Variants in PTPRD observed in about 807,000 individuals in gnomAD.
PTPRD encodes the protein receptor-type tyrosine-protein phosphatase delta.
In PTPRD, 34 loss-of-function variants were observed where a neutral mutation model predicts 214.5. The observed-to-expected ratio is 0.16, with a 90% CI of 0.12 to 0.21. The LOEUF (loss-of-function observed/expected upper bound fraction) is 0.21, where lower values mean the gene tolerates loss of function less well. PTPRD is among the 10% of genes least tolerant of loss of function. The pLI is 1.00. For missense variants in PTPRD, 2,545 were observed against 2,398.7 expected, an observed-to-expected ratio of 1.06 and a Z score of -1.27; for synonymous variants, 1,128 against 845.7, an observed-to-expected ratio of 1.33 and a Z score of -5.79.
intron 9 of PTPRD, among the ~76,000 whole-genome samples, chr9:9,259,073 T>A (rs1369006659): frequency 6.6e-6 from 1 of 151,784 alleles, no homozygotes; most frequent in Non-Finnish European, 1.5e-5. Context: ...GTCTAAGGAA[T>A]CTGTGCTCCT....
At position 9,849,258 on chromosome 9, in the gene PTPRD, T is replaced by C. The variant is rs73400611; in HGVS notation, c.-367-82407A>G. On this transcript the variant is annotated intron_variant, in intron 5 of 45. Coordinates refer to ENST00000381196, the MANE Select transcript of PTPRD (RefSeq NM_002839.4). ...CTGTAGAGAGAGAATGTACAAGCTG[T>C]ATAAGGAGAGCTTTAGGAAGGAAAC... Among the ~76,000 whole-genome samples the C allele has an allele frequency of 2.1e-3, 312 of 152,060 alleles. 3 individuals carry two copies. Among genetic ancestry groups the C allele is most frequent in the African/African-American group, 7.3e-3 (303 of 41,494 alleles).
chr9:8,315,714 G>A lies in PTPRD; in HGVS notation c.*2160C>T. 1 of 228,018 alleles carries A rather than the reference G, an allele frequency of 4.4e-6. No individual in the cohort carries two copies. Among genetic ancestry groups the A allele is most frequent in the Non-Finnish European group, 8.7e-6 (1 of 114,834 alleles). 14.1% of individuals were successfully genotyped at this position (228,018 alleles called of 1,614,324 possible). ...AATGCTTGCAAATGTTTGGTCTCTT[G>A]GATTTCACTCTGCTAGCAATGGGAA... is the stretch of plus-strand genomic sequence containing the variant. On this transcript the variant is annotated 3_prime_UTR_variant, in exon 46 of 46. Coordinates refer to ENST00000381196, the MANE Select transcript of PTPRD (RefSeq NM_002839.4).
chr9:8,667,336 T>G (rs1012655849), intron 12 of PTPRD, among the ~76,000 whole-genome samples: 1 of 152,056 alleles, frequency 6.6e-6, no homozygotes, highest in African/African-American at 2.4e-5. Context: ...CAAAACGTCG[T>G]CTCTAAATAA....
intron 11 of PTPRD, among the ~76,000 whole-genome samples, chr9:8,943,884 A>G (rs1166198618): frequency 1.3e-5 from 2 of 151,862 alleles, no homozygotes; most frequent in Non-Finnish European, 1.5e-5. Context: ...AGCAACCAAA[A>G]CAAAAAAGGG....
chr9:9,814,948 C>T (rs7860902), intron 5 of PTPRD, among the ~76,000 whole-genome samples: 30,851 of 151,348 alleles, frequency 0.2, 3,396 homozygotes, highest in African/African-American at 0.29. Flanking sequence ...TACAGGTGCA[C>T]GCCACCACAC....
chr9:9,725,838 T>C (rs1286206648), intron 7 of PTPRD, among the ~76,000 whole-genome samples: 1 of 152,180 alleles, frequency 6.6e-6, no homozygotes, highest in Non-Finnish European at 1.5e-5. Flanking sequence ...TCTTTCAAGA[T>C]AGCCCTCACA....
At chr9:9,442,783 G>A (rs2088646396) in intron 8 of PTPRD, among the ~76,000 whole-genome samples, 1 of 152,076 alleles carries the variant, frequency 6.6e-6, no homozygotes, top group African/African-American at 2.4e-5. Flanking sequence ...TCTTCTTTTG[G>A]CGGTGGTTTT....
chr9:10,203,355 C>A (rs993379936), intron 3 of PTPRD, among the ~76,000 whole-genome samples: 1 of 151,676 alleles, frequency 6.6e-6, no homozygotes, highest in African/African-American at 2.4e-5. Context: ...TAAACCTAGC[C>A]CTAGTTAACA....
intron 4 of PTPRD, among the ~76,000 whole-genome samples, chr9:9,985,518 A>T (rs924392400): frequency 6.6e-6 from 1 of 152,130 alleles, no homozygotes; most frequent in African/African-American, 2.4e-5. Flanking sequence ...TATTGAAACA[A>T]ATGATGTGCT....
intron 7 of PTPRD, among the ~76,000 whole-genome samples, chr9:9,642,698 GA>G (rs1483562662): frequency 9.2e-5 from 14 of 152,116 alleles, no homozygotes; most frequent in Admixed American, 9.2e-4. Context: ...TGGTTCTAAA[GA>G]AAACACACAC....
chr9:9,631,560 G>T (rs2095596403), intron 7 of PTPRD, among the ~76,000 whole-genome samples: 2 of 152,072 alleles, frequency 1.3e-5, no homozygotes, highest in Non-Finnish European at 2.9e-5. Flanking sequence ...AGATTCAGCA[G>T]GTTTCAGAGT....
intron 2 of PTPRD, among the ~76,000 whole-genome samples, chr9:10,528,484 T>G (rs1031895437): frequency 1.3e-4 from 20 of 152,188 alleles, no homozygotes; most frequent in Admixed American, 1.1e-3. Flanking sequence ...TATTATAACA[T>G]CTTTTACCAC....
chr9:10,356,581 T>C (rs973892888), intron 2 of PTPRD, among the ~76,000 whole-genome samples: 11 of 152,210 alleles, frequency 7.2e-5, no homozygotes, highest in Admixed American at 6.5e-5. Flanking sequence ...GTTGCAGAGA[T>C]GAACATAATG....
At position 8,995,268 on chromosome 9, in the gene PTPRD, C is replaced by T. The variant is rs1014157699; in HGVS notation, c.-104+23429G>A. 2.0e-5 allele frequency among the ~76,000 whole-genome samples: 3 copies of T among 151,998 alleles called. No individual in the cohort carries two copies. The South Asian group carries it at 6.2e-4, about 32-fold the overall frequency. ...TATTGGTTGTGATAATGGCATTATG[C>T]TATGTTTAAAAATCCTTATCTGTTA... is the stretch of plus-strand genomic sequence containing the variant. On this transcript the variant is annotated intron_variant, in intron 11 of 45. Transcript: ENST00000381196.
At chr9:10,456,751 C>T (rs2098920737) in intron 2 of PTPRD, among the ~76,000 whole-genome samples, 1 of 151,860 alleles carries the variant, frequency 6.6e-6, no homozygotes, top group Non-Finnish European at 1.5e-5. Flanking sequence ...CATTTGTAGT[C>T]TATTTTATAC....
intron 2 of PTPRD, among the ~76,000 whole-genome samples, chr9:10,348,499 C>G (rs1232450977): frequency 6.6e-6 from 1 of 152,152 alleles, no homozygotes; most frequent in Non-Finnish European, 1.5e-5. Context: ...CTCCTTCCCT[C>G]TAAGCAAGGA....
At chr9:9,205,457 C>G (rs2099944255) in intron 9 of PTPRD, among the ~76,000 whole-genome samples, 2 of 152,006 alleles carry the variant, frequency 1.3e-5, no homozygotes, top group African/African-American at 4.8e-5. Context: ...TGCTCAATTA[C>G]TTCTAGATAA....
At chr9:10,567,680 A>G (rs1591100434) in intron 2 of PTPRD, among the ~76,000 whole-genome samples, 1 of 151,926 alleles carries the variant, frequency 6.6e-6, no homozygotes, top group African/African-American at 2.4e-5. Context: ...ACTTTTAAAT[A>G]CACATTGTTT....
intron 3 of PTPRD, among the ~76,000 whole-genome samples, chr9:10,168,717 A>G (rs1013702949): frequency 6.6e-6 from 1 of 152,266 alleles, no homozygotes; most frequent in Admixed American, 6.5e-5. Context: ...TTCAATGACT[A>G]ACTACATAAG....
Sources: allele counts gnomAD v4.1 joint callset (sites outside exome capture counted in the v4.1 genomes callset), GRCh38; gene constraint gnomAD v4.1.1; transcripts MANE v1.5; gene names NCBI Gene and HGNC (gene_info 2026-07-23, HGNC 2026-07-21).